Variants in STXBP4 observed in about 807,000 individuals in gnomAD.
The protein encoded by STXBP4 is syntaxin-binding protein 4.
STXBP4 carries 55 observed loss-of-function variants against 76.1 expected under a neutral mutation model. That is an observed-to-expected ratio of 0.72 (90% confidence interval 0.58 to 0.91). STXBP4 has a LOEUF of 0.91. Among genes scored for constraint, STXBP4 ranks in the 40% least tolerant of loss-of-function variants. STXBP4 has a pLI of 0.00. For missense variants in STXBP4, 618 were observed against 636.9 expected (o/e 0.97, Z 0.32); for synonymous variants, 201 against 220.2 (o/e 0.91, Z 0.77).
intron 4 of STXBP4, 103 bp downstream of exon 4, chr17:54,991,060 CA>C: frequency 8.1e-7 from 1 of 1,241,412 alleles, no homozygotes; most frequent in Non-Finnish European, 1.1e-6. Context: ...CCACTGTGAC[CA>C]TACCTCAGTG....
chr17:55,043,481 CT>C, intron 11 of STXBP4, 156 bp downstream of exon 11: 1 of 828,052 alleles, frequency 1.2e-6, no homozygotes, highest in Non-Finnish European at 1.8e-6. Flanking sequence ...TTCAGTTGGC[CT>C]TTAGAGAATT....
At chr17:55,021,412 T>A (rs9893977) in intron 8 of STXBP4, among the ~76,000 whole-genome samples, 2,171 of 152,206 alleles carry the variant, frequency 0.014, 51 homozygotes, top group African/African-American at 0.049. Context: ...TAGTCCCAGC[T>A]TCTTGGGAGG....
intron 12 of STXBP4, among the ~76,000 whole-genome samples, chr17:55,070,742 T>C (rs2079109900): frequency 6.6e-6 from 1 of 152,024 alleles, no homozygotes; most frequent in East Asian, 1.9e-4. Flanking sequence ...TACTCCCCTA[T>C]AGCAAGTCTC....
chr17:54,981,403 G>C (rs1337212165), intron 1 of STXBP4, among the ~76,000 whole-genome samples: 1 of 151,700 alleles, frequency 6.6e-6, no homozygotes, highest in African/African-American at 2.4e-5. Flanking sequence ...CAAAGGGCCA[G>C]AATAAAAATT....
chr17:55,176,893 C>T (rs902228289), downstream of STXBP4, among the ~76,000 whole-genome samples: 16 of 152,056 alleles, frequency 1.1e-4, no homozygotes, highest in African/African-American at 3.9e-4. Flanking sequence ...GGTTTTGGGG[C>T]CTTGAGACTC....
the STXBP4 span, among the ~76,000 whole-genome samples, chr17:55,210,546 G>T: frequency 6.6e-6 from 1 of 152,220 alleles, no homozygotes; most frequent in Non-Finnish European, 1.5e-5. Flanking sequence ...CCACAAATAA[G>T]AGGATGGTTT....
chr17:55,205,887 TTGGC>T, the STXBP4 span, among the ~76,000 whole-genome samples: 530 of 152,176 alleles, frequency 3.5e-3, 1 homozygote, highest in Admixed American at 4.3e-3. Context: ...TACAAAAATA[TTGGC>T]ACTTGGGTAA....
At chr17:55,141,916 T>G (rs970956470) in intron 17 of STXBP4, among the ~76,000 whole-genome samples, 4 of 152,162 alleles carry the variant, frequency 2.6e-5, no homozygotes, top group Admixed American at 1.3e-4. Flanking sequence ...ATAAATAACT[T>G]GAGATAAATA....
chr17:55,046,931 A>C (rs750809798), intron 11 of STXBP4, among the ~76,000 whole-genome samples, 158 bp from the exon 12 acceptor site: 3 of 151,992 alleles, frequency 2.0e-5, no homozygotes, highest in Non-Finnish European at 4.4e-5. Context: ...AATTACTTTT[A>C]AGTGCCTCAT....
intron 16 of STXBP4, among the ~76,000 whole-genome samples, chr17:55,096,200 T>C (rs2079484493): frequency 2.6e-5 from 4 of 152,000 alleles, no homozygotes; most frequent in African/African-American, 9.7e-5. Context: ...CTGTTGCCCA[T>C]GCTGGAGTGC....
intron 12 of STXBP4, among the ~76,000 whole-genome samples, chr17:55,048,985 A>T (rs1356189048): frequency 6.6e-6 from 1 of 152,000 alleles, no homozygotes; most frequent in Non-Finnish European, 1.5e-5. Context: ...TTAGAGGAAA[A>T]TAAATGCACA....
At chr17:55,194,682 C>T in the STXBP4 span, among the ~76,000 whole-genome samples, 1 of 152,294 alleles carries the variant, frequency 6.6e-6, no homozygotes, top group East Asian at 1.9e-4. Context: ...TCATAGGTTC[C>T]AGAAGGTCAG....
rs527303942 is a variant in STXBP4 at position 55,059,065 on chromosome 17, A to G, written c.1011+11911A>G. Among the ~76,000 whole-genome samples the G allele has an allele frequency of 5.9e-5, 9 of 152,228 alleles. No homozygotes were observed. The East Asian group carries it at 1.3e-3, about 23-fold the overall frequency. On this transcript the variant is annotated intron_variant, in intron 12 of 17. Coordinates refer to ENST00000376352, the MANE Select transcript of STXBP4 (RefSeq NM_178509.6). Reference sequence around the variant, plus strand: ...CTAATTTATCTCCATTTTATTCTGCATCAGTAGTATGTCTTCACTTTACAT... The same window carrying G: ...CTAATTTATCTCCATTTTATTCTGCGTCAGTAGTATGTCTTCACTTTACAT...
chr17:55,178,644 A>G, the STXBP4 span, among the ~76,000 whole-genome samples: 1 of 152,230 alleles, frequency 6.6e-6, no homozygotes, highest in African/African-American at 2.4e-5. Context: ...CACATGATTA[A>G]AGAGGCTGTG....
intron 16 of STXBP4, among the ~76,000 whole-genome samples, chr17:55,119,178 A>G (rs2079816446): frequency 6.6e-6 from 1 of 151,996 alleles, no homozygotes; most frequent in South Asian, 2.1e-4. Flanking sequence ...CTTGTGCCTA[A>G]GAAGCCTCTC....
chr17:55,056,618 T>C (rs1417937375), intron 12 of STXBP4, among the ~76,000 whole-genome samples: 3 of 152,126 alleles, frequency 2.0e-5, no homozygotes, highest in Non-Finnish European at 2.9e-5. Flanking sequence ...TAGCATAAAA[T>C]TCAAGCCTGT....
chr17:55,018,222 G>A (rs551655276), intron 8 of STXBP4, among the ~76,000 whole-genome samples: 12 of 152,278 alleles, frequency 7.9e-5, no homozygotes, highest in South Asian at 2.1e-4. Flanking sequence ...GGACGCACCC[G>A]GGCGCTTAGC....
the STXBP4 span, among the ~76,000 whole-genome samples, chr17:55,202,142 G>A: frequency 6.6e-6 from 1 of 151,590 alleles, no homozygotes; most frequent in African/African-American, 2.4e-5. Context: ...CACAAGCTAG[G>A]GCACCTTATG....
At chr17:55,117,876 G>A (rs2079799998) in intron 16 of STXBP4, among the ~76,000 whole-genome samples, 1 of 151,886 alleles carries the variant, frequency 6.6e-6, no homozygotes, top group African/African-American at 2.4e-5. Context: ...TTGAGTACCT[G>A]TGTGTCAGAC....
Sources: gnomAD v4.1 joint callset for allele counts (sites outside exome capture counted in the v4.1 genomes callset) on GRCh38, gnomAD v4.1.1 for gene constraint, MANE v1.5 for transcripts, NCBI Gene and HGNC (gene_info 2026-07-23, HGNC 2026-07-21) for gene names.